STPG2: variants seen among roughly 807,000 people sequenced by gnomAD.
STPG2 encodes sperm-tail PG-rich repeat-containing protein 2.
Under a neutral mutation model 54.2 loss-of-function variants are expected in STPG2, and 56 were observed. The observed-to-expected ratio is 1.03, with a 90% CI of 0.83 to 1.29. The LOEUF is 1.29. Among genes scored for constraint, STPG2 ranks in the 50% most tolerant of loss-of-function variants. The pLI is 0.00. For missense variants in STPG2, 596 were observed against 544.9 expected (o/e 1.09, Z -0.93); for synonymous variants, 200 against 181.8 (o/e 1.10, Z -0.81).
intron 9 of STPG2, among the ~76,000 whole-genome samples, chr4:97,839,864 C>A (rs1227614534): frequency 6.6e-6 from 1 of 151,504 alleles, no homozygotes; most frequent in East Asian, 1.9e-4. Context: ...AAAAGAGTTT[C>A]TTCATTCTGT....
chr4:97,613,798 G>A (rs1472977230), intron 10 of STPG2, among the ~76,000 whole-genome samples: 1 of 151,766 alleles, frequency 6.6e-6, no homozygotes, highest in African/African-American at 2.4e-5. Context: ...CTATCCTTTT[G>A]AGGTTTTTTT....
intron 5 of STPG2, among the ~76,000 whole-genome samples, chr4:98,059,167 C>T (rs1378974552): frequency 6.6e-6 from 1 of 151,888 alleles, no homozygotes; most frequent in Non-Finnish European, 1.5e-5. Context: ...GACAATGTTA[C>T]CACTGATGCC....
chr4:97,770,355 A>G (rs1398418022), intron 9 of STPG2, among the ~76,000 whole-genome samples: 3 of 152,220 alleles, frequency 2.0e-5, no homozygotes, highest in African/African-American at 7.2e-5. Context: ...GAAGGAAATC[A>G]AGAACTGAGT....
At chr4:98,111,354 A>G (rs1409234805) in intron 3 of STPG2, among the ~76,000 whole-genome samples, 3 of 152,178 alleles carry the variant, frequency 2.0e-5, no homozygotes, top group Non-Finnish European at 4.4e-5. Context: ...GTGCCATTAC[A>G]TTAAGTGATG....
chr4:97,859,745 AT>A (rs1729455953), intron 8 of STPG2, among the ~76,000 whole-genome samples: 1 of 152,176 alleles, frequency 6.6e-6, no homozygotes, highest in Non-Finnish European at 1.5e-5. Flanking sequence ...TATATGTGTG[AT>A]TATATGCCTG....
chr4:97,931,653 G>GT (rs1302507545), intron 8 of STPG2, among the ~76,000 whole-genome samples: 1 of 64,956 alleles, frequency 1.5e-5, no homozygotes, highest in Non-Finnish European at 4.9e-5. Context: ...TTTGTTTTTG[G>GT]TTTTTTTGTT....
intron 4 of STPG2, among the ~76,000 whole-genome samples, chr4:97,539,974 G>C (rs1267418946): frequency 6.6e-6 from 1 of 152,142 alleles, no homozygotes; most frequent in Non-Finnish European, 1.5e-5. Context: ...CACATTTAAA[G>C]CAGTGTGTAG....
intron 8 of STPG2, among the ~76,000 whole-genome samples, chr4:97,874,859 G>A (rs112854427): frequency 0.012 from 1,886 of 151,718 alleles, 35 homozygotes; most frequent in African/African-American, 0.043. Flanking sequence ...AGAGACATGA[G>A]AAAAGTTATG....
At chr4:97,574,851 T>C (rs183656816) in intron 10 of STPG2, among the ~76,000 whole-genome samples, 43 of 152,112 alleles carry the variant, frequency 2.8e-4, no homozygotes, top group Non-Finnish European at 5.4e-4. Flanking sequence ...TTTTAAGAAC[T>C]CTAAAAAGTT....
intron 8 of STPG2, among the ~76,000 whole-genome samples, chr4:97,859,124 T>C: frequency 6.6e-6 from 1 of 152,212 alleles, no homozygotes; most frequent in East Asian, 1.9e-4. Context: ...GTAATTTTAA[T>C]CTACATTTCC....
intron 5 of STPG2, among the ~76,000 whole-genome samples, chr4:98,069,546 C>A (rs1012680295): frequency 6.6e-6 from 1 of 151,666 alleles, no homozygotes; most frequent in Non-Finnish European, 1.5e-5. Context: ...CCCTCTTAAG[C>A]TAAAAAAAGC....
At position 97,924,939 on chromosome 4, in the gene STPG2, G is replaced by A. The variant is rs1406704492; in HGVS notation, c.1044+18958C>T. Among the ~76,000 whole-genome samples the A allele has an allele frequency of 2.0e-5, 3 of 152,302 alleles. 1 individual carries two copies. In the East Asian group the frequency reaches 5.8e-4, roughly 29 times the overall value. On this transcript the variant is annotated intron_variant, in intron 8 of 10. Transcript: ENST00000295268. ...TTGGATGGATGCCATAGATGCAGCA[G>A]CAGAATTTATTTCTCAGAGATTATG... is the stretch of plus-strand genomic sequence containing the variant.
intron 9 of STPG2, among the ~76,000 whole-genome samples, chr4:97,791,282 C>T (rs1215993211): frequency 1.3e-5 from 2 of 152,014 alleles, no homozygotes; most frequent in African/African-American, 2.4e-5. Flanking sequence ...ATGTACCCTG[C>T]AATGAATTTA....
chr4:97,896,222 A>G (rs1020493313), intron 8 of STPG2, among the ~76,000 whole-genome samples: 1 of 151,822 alleles, frequency 6.6e-6, no homozygotes, highest in African/African-American at 2.4e-5. Context: ...ACCTGAACTC[A>G]TCACTGTGGC....
intron 4 of STPG2, among the ~76,000 whole-genome samples, chr4:97,462,914 C>T (rs1729699455): frequency 6.6e-6 from 1 of 151,934 alleles, no homozygotes; most frequent in African/African-American, 2.4e-5. Flanking sequence ...TGATGACTTC[C>T]CAGTGACACA....
intron 10 of STPG2, among the ~76,000 whole-genome samples, chr4:97,573,749 G>A (rs1732656317): frequency 3.3e-5 from 5 of 151,994 alleles, no homozygotes; most frequent in Admixed American, 3.3e-4. Flanking sequence ...TAGGAAGCAT[G>A]GCTTAGTGGA....
chr4:97,566,851 G>A (rs1383609995), intron 10 of STPG2, among the ~76,000 whole-genome samples: 1 of 148,436 alleles, frequency 6.7e-6, no homozygotes, highest in Non-Finnish European at 1.5e-5. Context: ...ATGGACACAG[G>A]AAGGGGAACA....
At chr4:97,625,925 G>T (rs1010821844) in intron 10 of STPG2, among the ~76,000 whole-genome samples, 1 of 152,136 alleles carries the variant, frequency 6.6e-6, no homozygotes, top group Non-Finnish European at 1.5e-5. Context: ...CTGATCCCAG[G>T]TCAAATGATG....
intron 8 of STPG2, among the ~76,000 whole-genome samples, chr4:97,915,550 G>T (rs906928540): frequency 1.3e-5 from 2 of 152,096 alleles, no homozygotes; most frequent in Admixed American, 6.6e-5. Flanking sequence ...GAAGGTAGAA[G>T]AGGAAGAGAA....
Sources: gnomAD v4.1 joint callset for allele counts (sites outside exome capture counted in the v4.1 genomes callset) on GRCh38, gnomAD v4.1.1 for gene constraint, MANE v1.5 for transcripts, NCBI Gene and HGNC (gene_info 2026-07-23, HGNC 2026-07-21) for gene names.